The following RBFOX1 variants were observed in gnomAD, a reference collection of about 807,000 sequenced individuals.
RBFOX1 encodes RNA binding protein fox-1 homolog 1.
Under a neutral mutation model 57.7 loss-of-function variants are expected in RBFOX1, and 8 were observed. That is an observed-to-expected ratio of 0.14 (90% confidence interval 0.08 to 0.25). The LOEUF (loss-of-function observed/expected upper bound fraction) is 0.25. RBFOX1 is among the 10% of genes least tolerant of loss of function. The pLI is 1.00. For synonymous variants in RBFOX1, 326 were observed against 222.4 expected (o/e 1.47, Z -4.15); for missense variants, 611 against 548.5 (o/e 1.11, Z -1.14).
At chr16:6,750,664 G>C (rs1022954711) in intron 3 of RBFOX1, among the ~76,000 whole-genome samples, 1 of 152,126 alleles carries the variant, frequency 6.6e-6, no homozygotes, top group Non-Finnish European at 1.5e-5. Context: ...GCTGGGACAG[G>C]GGTGTTCATT....
intron 1 of RBFOX1, among the ~76,000 whole-genome samples, chr16:5,407,795 T>C (rs1466233248): frequency 2.6e-5 from 4 of 152,170 alleles, no homozygotes; most frequent in Non-Finnish European, 5.9e-5. Context: ...ACGATCCAAC[T>C]GCCCCGGCCT....
chr16:7,626,496 G>A (rs187474372), intron 10 of RBFOX1, among the ~76,000 whole-genome samples: 1 of 152,174 alleles, frequency 6.6e-6, no homozygotes, highest in East Asian at 1.9e-4. Flanking sequence ...AACGTGACAG[G>A]CTTTGGAACG....
intron 3 of RBFOX1, among the ~76,000 whole-genome samples, chr16:6,726,416 T>G (rs896686919): frequency 2.0e-5 from 3 of 151,852 alleles, no homozygotes; most frequent in Non-Finnish European, 4.4e-5. Flanking sequence ...TTTTTAACTT[T>G]GCAAAGGAGA....
intron 2 of RBFOX1, among the ~76,000 whole-genome samples, chr16:6,586,751 G>C (rs1370852259): frequency 6.6e-6 from 1 of 152,140 alleles, no homozygotes; most frequent in Admixed American, 6.5e-5. Context: ...CAGTGGTTCA[G>C]GATAAGTCCC....
At chr16:6,174,173 C>A (rs1416118929) in intron 1 of RBFOX1, among the ~76,000 whole-genome samples, 3 of 152,178 alleles carry the variant, frequency 2.0e-5, no homozygotes, top group African/African-American at 7.2e-5. Context: ...TACACTTTGC[C>A]TTTATTCCTC....
intron 3 of RBFOX1, among the ~76,000 whole-genome samples, chr16:6,967,699 G>A (rs371805286): frequency 6.6e-6 from 1 of 152,122 alleles, no homozygotes; most frequent in Admixed American, 6.6e-5. Context: ...CATTGAACAC[G>A]GTAGGTCCTT....
In RBFOX1 at chr16:6,771,120, A is replaced by G. The variant is rs550719647; in HGVS notation, c.-16+116470A>G. Among the ~76,000 whole-genome samples the G allele has an allele frequency of 7.2e-5, 11 of 152,206 alleles. No homozygotes were observed. In the East Asian group the frequency reaches 2.1e-3, roughly 30 times the overall value. Reference sequence around the variant, plus strand: ...AAGAAGAAAAAATCAGAACCCAGACACACAGAGAGAATACCATATAAACAA... The same window carrying G: ...AAGAAGAAAAAATCAGAACCCAGACGCACAGAGAGAATACCATATAAACAA... On this transcript the variant is annotated intron_variant, in intron 3 of 15. Transcript: ENST00000550418.
intron 4 of RBFOX1, among the ~76,000 whole-genome samples, chr16:5,901,153 T>G (rs371695145): frequency 6.6e-6 from 1 of 152,170 alleles, no homozygotes; most frequent in Non-Finnish European, 1.5e-5. Flanking sequence ...AGCCCAGTCA[T>G]GTTCGTCTCC....
intron 1 of RBFOX1, among the ~76,000 whole-genome samples, chr16:6,086,808 GCT>G (rs1048636024): frequency 1.3e-5 from 2 of 152,148 alleles, no homozygotes; most frequent in African/African-American, 4.8e-5. Context: ...GCTCAAAGAC[GCT>G]CCTCTTCCCT....
At chr16:5,949,643 G>T (rs548127780) in intron 4 of RBFOX1, among the ~76,000 whole-genome samples, 3 of 150,860 alleles carry the variant, frequency 2.0e-5, no homozygotes, top group African/African-American at 7.3e-5. Context: ...CTCTTTTCTT[G>T]TTGGTCTTTT....
rs375881712 is a variant in RBFOX1 at position 5,837,962 on chromosome 16, C to T, written c.319-29341C>T. 5.8e-4 allele frequency among the ~76,000 whole-genome samples: 88 copies of T among 152,290 alleles called. 1 individual carries two copies. The highest frequency in any genetic ancestry group is 9.8e-4 in the Non-Finnish European group (67 of 68,032). The stretch of plus-strand genomic sequence containing the variant: ...ATGGCTGCTTCGGAAAGAGGCAACA[C>T]AGGTACAGCATTCTGGATGTCTGTG... On this transcript the variant is annotated intron_variant, in intron 3 of 19. Transcript: ENST00000641259.
At chr16:5,788,959 C>A (rs1216632141) in intron 3 of RBFOX1, among the ~76,000 whole-genome samples, 1 of 152,172 alleles carries the variant, frequency 6.6e-6, no homozygotes, top group Non-Finnish European at 1.5e-5. Context: ...GACATTTTCT[C>A]CTGCCTACCC....
chr16:5,756,056 C>G (rs961508004), intron 3 of RBFOX1, among the ~76,000 whole-genome samples: 14 of 151,954 alleles, frequency 9.2e-5, no homozygotes, highest in African/African-American at 3.4e-4. Context: ...AATTCTTAAG[C>G]AGGTGATTCT....
At chr16:6,281,689 CA>C (rs2076396723) in intron 1 of RBFOX1, among the ~76,000 whole-genome samples, 1 of 152,114 alleles carries the variant, frequency 6.6e-6, no homozygotes, top group Non-Finnish European at 1.5e-5. Flanking sequence ...GACGTAATAA[CA>C]ACACTATTCA....
intron 4 of RBFOX1, among the ~76,000 whole-genome samples, chr16:7,209,512 C>T (rs749759144): frequency 1.3e-5 from 2 of 152,190 alleles, no homozygotes; most frequent in African/African-American, 4.8e-5. Flanking sequence ...CAGCTTATTA[C>T]ATGGCTGGCT....
At position 5,842,139 on chromosome 16, in the gene RBFOX1, C is replaced by T. The variant is rs547777536; in HGVS notation, c.319-25164C>T. ...TGGAAGAGTGAGAAGGAAATGGAAC[C>T]GCTGAAATCAAGTTTAGACTTGTTA... On this transcript the variant is annotated intron_variant, in intron 3 of 19. Coordinates refer to the RBFOX1 transcript ENST00000641259. 4.5e-4 allele frequency among the ~76,000 whole-genome samples: 68 copies of T among 152,174 alleles called. 2 individuals carry two copies. In the South Asian group the frequency reaches 0.011, roughly 25 times the overall value.
intron 2 of RBFOX1, among the ~76,000 whole-genome samples, chr16:6,513,536 C>G (rs986117142): frequency 9.2e-5 from 14 of 152,038 alleles, no homozygotes; most frequent in Non-Finnish European, 1.5e-4. Context: ...GAGTTCGAGA[C>G]CAGCCTAGCC....
chr16:7,645,233 G>A (rs2063525450), intron 11 of RBFOX1, among the ~76,000 whole-genome samples: 2 of 152,058 alleles, frequency 1.3e-5, no homozygotes, highest in African/African-American at 2.4e-5. Flanking sequence ...CTACCATGAC[G>A]TTATGTAAAG....
At chr16:5,307,443 A>T (rs966735321) in intron 1 of RBFOX1, among the ~76,000 whole-genome samples, 1 of 152,190 alleles carries the variant, frequency 6.6e-6, no homozygotes, top group Non-Finnish European at 1.5e-5. Flanking sequence ...GTTAAAATAA[A>T]ACAGCAGAGA....
Sources: gnomAD v4.1 joint callset for allele counts (sites outside exome capture counted in the v4.1 genomes callset) on GRCh38, gnomAD v4.1.1 for gene constraint, MANE v1.5 for transcripts, NCBI Gene and HGNC (gene_info 2026-07-23, HGNC 2026-07-21) for gene names.